The following DGKI variants were observed in gnomAD, a reference collection of about 807,000 sequenced individuals.
DGKI encodes diacylglycerol kinase iota.
DGKI carries 55 observed loss-of-function variants against 147.5 expected under a neutral mutation model. The observed-to-expected ratio is 0.37, with a 90% CI of 0.30 to 0.47. DGKI has a LOEUF of 0.47. Ranked by LOEUF, DGKI falls within the 20% of genes least tolerant of loss-of-function variation. DGKI has a pLI of 1.00. For synonymous variants in DGKI, 469 were observed against 477.1 expected, an observed-to-expected ratio of 0.98 and a Z score of 0.22; for missense variants, 1,007 against 1,323.8, an observed-to-expected ratio of 0.76 and a Z score of 3.71.
At chr7:137,642,645 C>T (rs1010505227) in intron 6 of DGKI, among the ~76,000 whole-genome samples, 2 of 152,104 alleles carry the variant, frequency 1.3e-5, no homozygotes, top group African/African-American at 4.8e-5. Flanking sequence ...ATTCGGCTAA[C>T]GTTAAAGGAA....
At chr7:137,437,218 T>C (rs752021100) in intron 28 of DGKI, among the ~76,000 whole-genome samples, 3 of 152,164 alleles carry the variant, frequency 2.0e-5, no homozygotes, top group Non-Finnish European at 2.9e-5. Context: ...ACAAAATTCT[T>C]TGTAGATGAG....
chr7:137,404,834 G>A (rs1020436835), intron 30 of DGKI, among the ~76,000 whole-genome samples: 1 of 156 alleles, frequency 6.4e-3, no homozygotes, highest in Non-Finnish European at 0.015. Context: ...GTGTGACTCA[G>A]TCTTGCAAGA....
chr7:137,690,015 GAAAAAC>G lies in DGKI; in HGVS notation c.402-19_402-14del, dbSNP rs1213263740. 9 of 1,541,248 alleles carry G rather than the reference GAAAAAC, an allele frequency of 5.8e-6. No individual in the cohort carries two copies. The highest frequency in any genetic ancestry group is 2.3e-5 in the East Asian group (1 of 44,204). On this transcript the variant is annotated splice_polypyrimidine_tract_variant and intron_variant, in intron 1 of 32. Coordinates refer to ENST00000614521, the MANE Select transcript of DGKI (RefSeq NM_001321708.2). ...GGAGATTGCTTTCCTGCAGCAAGAA[GAAAAAC>G]AAAAACAAAAACAAAGAAAAACCAA...
intron 27 of DGKI, among the ~76,000 whole-genome samples, chr7:137,446,392 C>G (rs1490170249): frequency 1.3e-5 from 2 of 152,188 alleles, no homozygotes; most frequent in African/African-American, 4.8e-5. Flanking sequence ...TATTTCCATC[C>G]TCACTCAGTA....
intron 19 of DGKI, among the ~76,000 whole-genome samples, chr7:137,552,779 G>T (rs1254555529): frequency 1.3e-5 from 2 of 151,986 alleles, no homozygotes; most frequent in Non-Finnish European, 2.9e-5. Context: ...GCTGGGCATG[G>T]TGGCAGGCAC....
chr7:137,625,800 CT>C (rs2128999791), intron 6 of DGKI, among the ~76,000 whole-genome samples: 1 of 151,292 alleles, frequency 6.6e-6, no homozygotes, highest in South Asian at 2.1e-4. Context: ...ACATTTTGTC[CT>C]TCTGGAAGTC....
chr7:137,522,316 G>C (rs539461580), intron 20 of DGKI, among the ~76,000 whole-genome samples: 81 of 152,050 alleles, frequency 5.3e-4, no homozygotes, highest in African/African-American at 1.8e-3. Context: ...AGGTGGAGTG[G>C]AGCTTTAAGA....
At chr7:137,401,750 G>A (rs1811769170) in intron 30 of DGKI, among the ~76,000 whole-genome samples, 1 of 152,134 alleles carries the variant, frequency 6.6e-6, no homozygotes, top group Admixed American at 6.6e-5. Flanking sequence ...TTACTGAAAT[G>A]TCCACCCTTC....
intron 31 of DGKI, among the ~76,000 whole-genome samples, chr7:137,396,357 T>A (rs541822020): frequency 6.6e-6 from 1 of 152,316 alleles, no homozygotes; most frequent in African/African-American, 2.4e-5. Flanking sequence ...GGCCAGCCAC[T>A]CAGTGTGGGA....
chr7:137,453,451 C>T (rs1814056149), intron 27 of DGKI, among the ~76,000 whole-genome samples: 1 of 152,186 alleles, frequency 6.6e-6, no homozygotes, highest in African/African-American at 2.4e-5. Context: ...CCATCGACTA[C>T]ATAATCCTCT....
chr7:137,550,047 T>A (rs1026415760), intron 20 of DGKI, among the ~76,000 whole-genome samples: 1 of 152,210 alleles, frequency 6.6e-6, no homozygotes, highest in Admixed American at 6.5e-5. Context: ...ATGAAAATTA[T>A]ACTATTATTC....
chr7:137,702,195 T>C (rs543098408), intron 1 of DGKI, among the ~76,000 whole-genome samples: 2 of 152,218 alleles, frequency 1.3e-5, no homozygotes, highest in East Asian at 3.9e-4. Context: ...ATAAAGCTTC[T>C]AAAAGAAAGC....
At chr7:137,782,702 T>C (rs1263517700) in intron 1 of DGKI, among the ~76,000 whole-genome samples, 2 of 152,062 alleles carry the variant, frequency 1.3e-5, no homozygotes, top group Non-Finnish European at 2.9e-5. Flanking sequence ...ACCAGTGCAC[T>C]AAACAAAAAC....
intron 19 of DGKI, among the ~76,000 whole-genome samples, chr7:137,561,043 G>C (rs917201618): frequency 6.6e-6 from 1 of 152,074 alleles, no homozygotes; most frequent in African/African-American, 2.4e-5. Context: ...ACAAATGGAA[G>C]TATCATATGA....
rs574127723 is a variant in DGKI at position 137,386,650 on chromosome 7, G to C, written c.*4570C>G. On this transcript the variant is annotated 3_prime_UTR_variant, in exon 33 of 33. Coordinates refer to ENST00000614521, the MANE Select transcript of DGKI (RefSeq NM_001321708.2). The stretch of plus-strand genomic sequence containing the variant: ...AGTTCAGGGACAGGACTGCCGCTAT[G>C]GCCCAAAACTTAGAGAGACAAGAGA... 1 of 152,174 alleles carries C rather than the reference G, an allele frequency of 6.6e-6. No homozygotes were observed. Among genetic ancestry groups the C allele is most frequent in the African/African-American group, 2.4e-5 (1 of 41,532 alleles). The allele number at this position is 152,174 out of a possible 1,614,324, so 9.4% of individuals were successfully genotyped here.
chr7:137,474,540 C>T (rs553268542), intron 23 of DGKI, among the ~76,000 whole-genome samples: 2 of 152,028 alleles, frequency 1.3e-5, no homozygotes, highest in Admixed American at 6.6e-5. Flanking sequence ...GTTGAGGTGG[C>T]GGTGGTGGAT....
intron 21 of DGKI, among the ~76,000 whole-genome samples, chr7:137,489,152 G>A (rs924858421): frequency 2.0e-5 from 3 of 152,158 alleles, no homozygotes; most frequent in African/African-American, 7.2e-5. Context: ...TGGAACTATG[G>A]AAGCCTGTGA....
In DGKI at chr7:137,619,954, TA is replaced by T; in HGVS notation, c.877-15del. 6.3e-7 allele frequency: 1 copy of T among 1,599,270 alleles called. No individual in the cohort carries two copies. Among genetic ancestry groups the T allele is most frequent in the Non-Finnish European group, 8.6e-7 (1 of 1,169,116 alleles). On this transcript the variant is annotated splice_polypyrimidine_tract_variant and intron_variant, in intron 7 of 32. Transcript: ENST00000614521. ...CTTATTGTGAAACTGAAGAGAAAAATAAGCCAGTAAACAATTCTGGTCAAAG... is the reference window on the plus strand; with the variant it reads ...CTTATTGTGAAACTGAAGAGAAAAATAGCCAGTAAACAATTCTGGTCAAAG...
intron 21 of DGKI, among the ~76,000 whole-genome samples, chr7:137,515,797 C>T (rs1475104429): frequency 1.3e-5 from 2 of 151,984 alleles, no homozygotes; most frequent in Non-Finnish European, 2.9e-5. Flanking sequence ...CATTTCCTAG[C>T]TCACAGCAAT....
Sources: allele counts gnomAD v4.1 joint callset (sites outside exome capture counted in the v4.1 genomes callset), GRCh38; gene constraint gnomAD v4.1.1; transcripts MANE v1.5; gene names NCBI Gene and HGNC (gene_info 2026-07-23, HGNC 2026-07-21).